Variants in OTUD7B observed in about 807,000 individuals in gnomAD.
The protein encoded by OTUD7B is OTU domain-containing protein 7B.
OTUD7B carries 34 observed loss-of-function variants against 82.2 expected under a neutral mutation model. That is an observed-to-expected ratio of 0.41 (90% CI 0.31 to 0.55). The LOEUF is 0.55. OTUD7B is among the 20% of genes least tolerant of loss of function. The probability of loss-of-function intolerance (pLI) is 0.20; values close to 1 mark genes in which losing one functional copy is unlikely to be tolerated. For synonymous variants in OTUD7B, 398 were observed against 402.7 expected (o/e 0.99, Z 0.14); for missense variants, 944 against 1,062.1 (o/e 0.89, Z 1.55).
At chr1:150,054,808 CAAAAAAAAA>C in the OTUD7B span, 2 of 41,726 alleles carry the variant, frequency 4.8e-5, no homozygotes, top group South Asian at 9.9e-4. Flanking sequence ...AACTCAGTCT[CAAAAAAAAA>C]AAAAAAAAAA....
chr1:150,029,789 T>C, the OTUD7B span, among the ~76,000 whole-genome samples: 2 of 152,184 alleles, frequency 1.3e-5, no homozygotes, highest in Admixed American at 6.5e-5. Context: ...AAAGATGCTG[T>C]CGTCTCTGAA....
At chr1:149,992,482 T>TG (rs1210525081) in intron 1 of OTUD7B, among the ~76,000 whole-genome samples, 55 of 1,650 alleles carry the variant, frequency 0.033, 2 homozygotes, top group Non-Finnish European at 0.31. Flanking sequence ...TTTTTTTTTT[T>TG]TTTTTTTTTT....
chr1:150,020,151 C>G, the OTUD7B span, among the ~76,000 whole-genome samples: 33 of 152,090 alleles, frequency 2.2e-4, no homozygotes, highest in South Asian at 1.7e-3. Flanking sequence ...CACAATCAAC[C>G]CCAACTGTAG....
the OTUD7B span, among the ~76,000 whole-genome samples, chr1:150,065,699 A>G: frequency 3.3e-5 from 5 of 152,158 alleles, no homozygotes; most frequent in Admixed American, 6.6e-5. Context: ...TTTCAGTTCT[A>G]TTTTTAGAGG....
In OTUD7B at chr1:149,971,346, C is replaced by T. The variant is rs759409093; in HGVS notation, c.86-95G>A. On this transcript the variant is annotated intron_variant, in intron 2 of 11. Transcript: ENST00000581312. Reference sequence around the variant, plus strand: ...TCCTATCAAAACCAGTATGCAAATACGCATGCACATAATCATTCTTCTTTT... The same window carrying T: ...TCCTATCAAAACCAGTATGCAAATATGCATGCACATAATCATTCTTCTTTT... 3.3e-5 allele frequency: 23 copies of T among 700,564 alleles called. No individual in the cohort carries two copies. In the East Asian group the frequency reaches 5.2e-4, roughly 16 times the overall value. 43.4% of individuals were successfully genotyped at this position (700,564 alleles called of 1,614,324 possible). A position where few individuals can be genotyped will look rare whatever the true frequency, so the allele number is the denominator to read the frequency against.
chr1:149,992,306 T>A (rs147521251), intron 1 of OTUD7B, among the ~76,000 whole-genome samples: 5 of 152,268 alleles, frequency 3.3e-5, no homozygotes, highest in African/African-American at 9.6e-5. Context: ...TAACTGAATT[T>A]GTAAGTATTC....
the OTUD7B span, among the ~76,000 whole-genome samples, chr1:150,050,240 A>G: frequency 6.6e-6 from 1 of 152,200 alleles, no homozygotes; most frequent in Non-Finnish European, 1.5e-5. Flanking sequence ...ATTTTTGCCA[A>G]TTAAAAATAA....
At chr1:149,979,563 T>C (rs1553779283) in intron 1 of OTUD7B, among the ~76,000 whole-genome samples, 2 of 152,220 alleles carry the variant, frequency 1.3e-5, no homozygotes, top group Admixed American at 6.5e-5. Context: ...CTAGATATTG[T>C]CAATTTTAAA....
the OTUD7B span, chr1:150,054,277 A>G: frequency 2.1e-6 from 1 of 473,814 alleles, no homozygotes; most frequent in Non-Finnish European, 4.1e-6. Context: ...ACATGAGAAA[A>G]CTGTGAGCCA....
At chr1:149,966,119 GAT>G (rs1408756670) in intron 4 of OTUD7B, among the ~76,000 whole-genome samples, 3 of 152,224 alleles carry the variant, frequency 2.0e-5, no homozygotes, top group South Asian at 4.1e-4. Flanking sequence ...AATGACTGAA[GAT>G]ATGTTTGCAT....
chr1:150,014,035 C>CGTATATATGTGTGTGTATATATATGTGT (rs1653191714), upstream of OTUD7B, among the ~76,000 whole-genome samples: 1 of 102,492 alleles, frequency 9.8e-6, no homozygotes, highest in Non-Finnish European at 2.0e-5. Flanking sequence ...CGTATATATA[C>CGTATATATGTGTGTGTATATATATGTGT]GTATATATGT....
At chr1:150,047,365 T>C in the OTUD7B span, among the ~76,000 whole-genome samples, 4 of 152,046 alleles carry the variant, frequency 2.6e-5, no homozygotes, top group African/African-American at 9.7e-5. Flanking sequence ...ATCTCAACAC[T>C]CCCCCCAACC....
At position 149,967,373 on chromosome 1, in the gene OTUD7B, A is replaced by G; in HGVS notation, c.423T>C (p.Thr141=). 6.8e-6 allele frequency: 11 copies of G among 1,614,148 alleles called. No homozygotes were observed. The highest frequency in any genetic ancestry group is 7.6e-6 in the Non-Finnish European group (9 of 1,180,012). The change falls in exon 4 of 12, where the codon ACT becomes ACC. Residue 141 remains threonine (T), a synonymous_variant. Coordinates refer to ENST00000581312, the MANE Select transcript of OTUD7B (RefSeq NM_020205.4). The part of the protein sequence containing the change: ...PICAFQLPDL[T]VYNEDFRSFI... ...AGCTGCGGAAGTCTTCATTGTATAC[A>G]GTGAGATCTGGAAGCTGGAAGGCAC...
chr1:150,026,757 G>A, the OTUD7B span, among the ~76,000 whole-genome samples: 1 of 152,138 alleles, frequency 6.6e-6, no homozygotes, highest in Non-Finnish European at 1.5e-5. Flanking sequence ...TGAAGAGAGA[G>A]AAATGAGAAA....
chr1:150,063,512 G>A, the OTUD7B span, among the ~76,000 whole-genome samples: 2 of 152,112 alleles, frequency 1.3e-5, no homozygotes, highest in Admixed American at 6.5e-5. Flanking sequence ...AGTTTCTTTG[G>A]CCATCTCAAA....
At chr1:150,002,574 A>T (rs1652368046) in intron 1 of OTUD7B, among the ~76,000 whole-genome samples, 1 of 152,194 alleles carries the variant, frequency 6.6e-6, no homozygotes, top group Non-Finnish European at 1.5e-5. Context: ...TGCTAGTACA[A>T]TGCAATGTGG....
intron 1 of OTUD7B, among the ~76,000 whole-genome samples, chr1:150,005,844 G>A (rs1652626129): frequency 6.6e-6 from 1 of 152,166 alleles, no homozygotes; most frequent in Non-Finnish European, 1.5e-5. Context: ...TGTGAATGAA[G>A]GCTCATTCTG....
At chr1:149,995,812 T>G (rs1651886712) in intron 1 of OTUD7B, among the ~76,000 whole-genome samples, 1 of 152,124 alleles carries the variant, frequency 6.6e-6, no homozygotes, top group South Asian at 2.1e-4. Flanking sequence ...ACGGTAATAG[T>G]GGCCGTAATC....
At chr1:150,005,677 G>A (rs587769795) in intron 1 of OTUD7B, among the ~76,000 whole-genome samples, 2 of 149,184 alleles carry the variant, frequency 1.3e-5, no homozygotes, top group East Asian at 3.9e-4. Context: ...TTTTTTAATT[G>A]GACATACTTT....
Sources: allele counts gnomAD v4.1 joint callset (sites outside exome capture counted in the v4.1 genomes callset), GRCh38; gene constraint gnomAD v4.1.1; transcripts MANE v1.5; gene names NCBI Gene and HGNC (gene_info 2026-07-23, HGNC 2026-07-21).